KPNA6: variants seen among roughly 807,000 people sequenced by gnomAD.
KPNA6 encodes the protein karyopherin subunit alpha 6.
A neutral mutation model predicts 72.0 loss-of-function variants in KPNA6; 9 were observed. The ratio of observed to expected loss-of-function variants is 0.13; its 90% CI spans 0.08 to 0.22. The LOEUF (loss-of-function observed/expected upper bound fraction) is 0.22, where lower values mean the gene tolerates loss of function less well. Among genes scored for constraint, KPNA6 ranks in the 10% least tolerant of loss-of-function variants. KPNA6 has a pLI of 1.00. For missense variants in KPNA6, 374 were observed against 655.7 expected (o/e 0.57, Z 4.69); for synonymous variants, 219 against 242.1 (o/e 0.90, Z 0.89).
Position 32,119,894 on chromosome 1 carries a change from A to C in KPNA6, c.4+11760A>C, listed in dbSNP as rs116411287. Among the ~76,000 whole-genome samples the C allele has an allele frequency of 1.1e-3, 167 of 151,802 alleles. 1 individual carries two copies. Among genetic ancestry groups the C allele is most frequent in the African/African-American group, 4.0e-3 (164 of 41,376 alleles). ...CAAGTAGCTGGCATTACAGGCGCTC[A>C]CCACTGCACCTGGCTAATTTTTGTA... On this transcript the variant is annotated intron_variant, in intron 1 of 13. Transcript: ENST00000373625.
At chr1:32,139,150 G>C (rs1641793856) in intron 1 of KPNA6, among the ~76,000 whole-genome samples, 1 of 152,150 alleles carries the variant, frequency 6.6e-6, no homozygotes, top group Non-Finnish European at 1.5e-5. Context: ...TATTTGAATG[G>C]TGATTCACTC....
rs948944985 is a variant in KPNA6 at position 32,147,654 on chromosome 1, T to C, written c.5-6934T>C. On this transcript the variant is annotated intron_variant, in intron 1 of 13. Coordinates refer to ENST00000373625, the MANE Select transcript of KPNA6 (RefSeq NM_012316.5). ...CTGACTTTCGTGATTTCTTTTCTTT[T>C]TTTTTTTTTTTTTTTTTTTTTTTGA... is the stretch of plus-strand genomic sequence containing the variant. Among the ~76,000 whole-genome samples the C allele has an allele frequency of 1.3e-4, 17 of 126,492 alleles. No homozygotes were observed. In the South Asian group the frequency reaches 3.5e-3, roughly 26 times the overall value. The allele number at this position is 126,492 out of a possible 152,430, so 83.0% of individuals were successfully genotyped here. A position where few individuals can be genotyped will look rare whatever the true frequency, so the allele number is the denominator to read the frequency against.
chr1:32,135,728 G>C (rs1172634123), intron 1 of KPNA6, among the ~76,000 whole-genome samples: 1 of 149,380 alleles, frequency 6.7e-6, no homozygotes, highest in South Asian at 2.1e-4. Flanking sequence ...TCAGCCTCCC[G>C]AAGTGCTGGA....
At chr1:32,132,979 C>CCTG (rs1557465347) in intron 1 of KPNA6, among the ~76,000 whole-genome samples, 1 of 152,110 alleles carries the variant, frequency 6.6e-6, no homozygotes, top group Non-Finnish European at 1.5e-5. Context: ...CGGTGATCCA[C>CCTG]CTGCCCCAGC....
At chr1:32,149,431 G>T (rs1641990138) in intron 1 of KPNA6, among the ~76,000 whole-genome samples, 1 of 151,966 alleles carries the variant, frequency 6.6e-6, no homozygotes, top group African/African-American at 2.4e-5. Context: ...TCCCTATGTT[G>T]CCCAGGATGG....
At chr1:32,142,642 C>G (rs552184234) in intron 1 of KPNA6, among the ~76,000 whole-genome samples, 84 of 152,272 alleles carry the variant, frequency 5.5e-4, no homozygotes, top group Non-Finnish European at 9.3e-4. Context: ...ACTTCAGAGA[C>G]CTATTCACTT....
At chr1:32,118,997 C>CATATATATATATATAT (rs71578197) in intron 1 of KPNA6, among the ~76,000 whole-genome samples, 27 of 59,816 alleles carry the variant, frequency 4.5e-4, no homozygotes, top group Non-Finnish European at 6.2e-4. Context: ...TGTGTGTATA[C>CATATATATATATATAT]ATATATATAT....
chr1:32,131,977 T>A (rs1038771342), intron 1 of KPNA6, among the ~76,000 whole-genome samples: 101 of 151,738 alleles, frequency 6.7e-4, no homozygotes, highest in Non-Finnish European at 3.8e-4. Context: ...TTATTTATTT[T>A]TTATTTTTTT....
chr1:32,162,799 C>T (rs1293282517), intron 9 of KPNA6, among the ~76,000 whole-genome samples: 1 of 151,320 alleles, frequency 6.6e-6, no homozygotes, highest in African/African-American at 2.4e-5. Context: ...CGTGCCATTG[C>T]ACTCCAGCCT....
intron 1 of KPNA6, among the ~76,000 whole-genome samples, chr1:32,123,061 A>G (rs1238226662): frequency 1.3e-5 from 2 of 152,200 alleles, no homozygotes; most frequent in South Asian, 2.1e-4. Context: ...AATTCGTGCA[A>G]TGGCAGTAGG....
intron 8 of KPNA6, 149 bp from the exon 9 acceptor site, chr1:32,162,212 A>AC: frequency 1.1e-6 from 1 of 920,608 alleles, no homozygotes; most frequent in Non-Finnish European, 1.7e-6. Flanking sequence ...GAAAAGGTAG[A>AC]CCCAAATGTT....
chr1:32,125,605 G>A (rs1641517646), intron 1 of KPNA6, among the ~76,000 whole-genome samples: 1 of 152,090 alleles, frequency 6.6e-6, no homozygotes, highest in South Asian at 2.1e-4. Flanking sequence ...GATTTTGTTG[G>A]GTAAGGTTGA....
At chr1:32,152,802 G>T (rs539090203) in intron 1 of KPNA6, among the ~76,000 whole-genome samples, 6 of 151,272 alleles carry the variant, frequency 4.0e-5, no homozygotes, top group Non-Finnish European at 7.4e-5. Flanking sequence ...CCGAGATGGC[G>T]CCATTGCACT....
At chr1:32,162,559 G>T in intron 9 of KPNA6, 35 bp downstream of exon 9, 1 of 1,610,652 alleles carries the variant, frequency 6.2e-7, no homozygotes, top group South Asian at 1.1e-5. Context: ...GGTTCTGGCT[G>T]GGCACGGTGG....
intron 1 of KPNA6, among the ~76,000 whole-genome samples, chr1:32,134,329 G>A (rs1239199628): frequency 6.6e-6 from 1 of 151,560 alleles, no homozygotes; most frequent in Non-Finnish European, 1.5e-5. Context: ...GATATTTCCA[G>A]ATAAACAAAA....
rs770949782 is a variant in KPNA6, at chr1:32,108,108, A to G, written c.-23A>G. On this transcript the variant is annotated 5_prime_UTR_variant, in exon 1 of 14. Coordinates refer to ENST00000373625, the MANE Select transcript of KPNA6 (RefSeq NM_012316.5). ...AGCTGCCGCCGTTGCCTCCGCCGCCAAGAGTGAGCGAGCGGACCCGCGATG... is the reference window on the plus strand; with the variant it reads ...AGCTGCCGCCGTTGCCTCCGCCGCCGAGAGTGAGCGAGCGGACCCGCGATG... The G allele has an allele frequency of 1.2e-6, 2 of 1,614,000 alleles. No homozygotes were observed. The highest frequency in any genetic ancestry group is 8.5e-7 in the Non-Finnish European group (1 of 1,179,928).
At chr1:32,123,885 T>G (rs996966129) in intron 1 of KPNA6, among the ~76,000 whole-genome samples, 1 of 151,112 alleles carries the variant, frequency 6.6e-6, no homozygotes, top group African/African-American at 2.4e-5. Context: ...AATACAAAAA[T>G]TAGCTGGGCG....
intron 9 of KPNA6, 113 bp from the exon 10 acceptor site, chr1:32,163,122 A>C (rs1023534743): frequency 1.5e-5 from 10 of 668,154 alleles, no homozygotes; most frequent in Non-Finnish European, 2.4e-5. Context: ...AAGAAAAAAG[A>C]AAAAAAAAGG....
At chr1:32,119,032 A>ATTTT (rs71006332) in intron 1 of KPNA6, among the ~76,000 whole-genome samples, 711 of 40,226 alleles carry the variant, frequency 0.018, 43 homozygotes, top group Middle Eastern at 0.038. Flanking sequence ...ATATATATAT[A>ATTTT]TTTTTTTTTT....
Sources: allele counts gnomAD v4.1 joint callset (sites outside exome capture counted in the v4.1 genomes callset), GRCh38; gene constraint gnomAD v4.1.1; transcripts MANE v1.5; gene names NCBI Gene and HGNC (gene_info 2026-07-23, HGNC 2026-07-21).